The following ARL9 variants were observed in gnomAD, a reference collection of about 807,000 sequenced individuals.
The protein encoded by ARL9 is ARF like GTPase 9, also known as ADP-ribosylation factor-like protein 9.
In ARL9, 14 loss-of-function variants were observed where a neutral mutation model predicts 27.0. The ratio of observed to expected loss-of-function variants is 0.52; its 90% CI spans 0.34 to 0.81. The LOEUF (loss-of-function observed/expected upper bound fraction) is 0.81. Among genes scored for constraint, ARL9 ranks in the 30% least tolerant of loss-of-function variants. ARL9 has a pLI of 0.01. For missense variants in ARL9, 294 were observed against 290.0 expected (o/e 1.01, Z -0.10); for synonymous variants, 106 against 108.7 (o/e 0.98, Z 0.15).
chr4:56,524,096 T>G lies in ARL9; in HGVS notation c.*220T>G. The G allele has an allele frequency of 2.2e-6, 1 of 448,596 alleles. No homozygotes were observed. Among genetic ancestry groups the G allele is most frequent in the Non-Finnish European group, 3.9e-6 (1 of 255,126 alleles). The allele number at this position is 448,596 out of a possible 1,614,324, so 27.8% of individuals were successfully genotyped here. A position where few individuals can be genotyped will look rare whatever the true frequency, so the allele number is the denominator to read the frequency against. On this transcript the variant is annotated 3_prime_UTR_variant, in exon 4 of 4. Coordinates refer to ENST00000640821, the MANE Select transcript of ARL9 (RefSeq NM_001363794.2). ...TTCAAAAAGTAAACCCACTGAAGAA[T>G]AATAACACAACAATAAAAATAATAC...
intron 1 of ARL9, among the ~76,000 whole-genome samples, chr4:56,507,965 C>CAA (rs202126461): frequency 0.11 from 13,128 of 122,840 alleles, 780 homozygotes; most frequent in Admixed American, 0.22. Context: ...GATTCTGTAT[C>CAA]AAAAAAAAAA....
At chr4:56,518,935 C>T (rs564592616) in intron 3 of ARL9, 82 bp downstream of exon 3, 1 of 1,269,502 alleles carries the variant, frequency 7.9e-7, no homozygotes, top group East Asian at 2.5e-5. Context: ...AGATAGTCAA[C>T]AATATGCTAT....
At chr4:56,518,928 T>C (rs1421233024) in intron 3 of ARL9, 75 bp downstream of exon 3, 4 of 1,318,346 alleles carry the variant, frequency 3.0e-6, no homozygotes, top group Non-Finnish European at 3.1e-6. Flanking sequence ...AATACCTAGA[T>C]AGTCAACAAT....
chr4:56,510,504 C>T (rs186501484), intron 1 of ARL9, among the ~76,000 whole-genome samples: 53 of 152,170 alleles, frequency 3.5e-4, no homozygotes, highest in Admixed American at 1.6e-3. Flanking sequence ...CACGGAGGTC[C>T]CAAGACCCCA....
In ARL9 at chr4:56,509,202, T is replaced by TTTTC. The variant is rs1474464043; in HGVS notation, c.280-1980_280-1979insCTTT. Among the ~76,000 whole-genome samples the TTTTC allele has an allele frequency of 3.4e-3, 430 of 128,084 alleles. 7 individuals carry two copies. Among genetic ancestry groups the TTTTC allele is most frequent in the East Asian group, 0.019 (68 of 3,522 alleles). The allele number at this position is 128,084 out of a possible 152,430, so 84.0% of individuals were successfully genotyped here. A position where few individuals can be genotyped will look rare whatever the true frequency, so the allele number is the denominator to read the frequency against. ...GAATGCTTTTTTCTTTTTCTTTTTC[T>TTTTC]TTTTTTTGTTTTTTTTTTTTGGGAT... On this transcript the variant is annotated intron_variant, in intron 1 of 3. Coordinates refer to ENST00000640821, the MANE Select transcript of ARL9 (RefSeq NM_001363794.2).
intron 2 of ARL9, among the ~76,000 whole-genome samples, chr4:56,513,628 CA>C (rs370311959): frequency 2.5e-4 from 38 of 152,278 alleles, no homozygotes; most frequent in African/African-American, 8.2e-4. Flanking sequence ...AAAAATAAAA[CA>C]ACTCATGAGT....
chr4:56,508,010 C>T (rs1232923149), intron 1 of ARL9, among the ~76,000 whole-genome samples: 1 of 151,402 alleles, frequency 6.6e-6, no homozygotes, highest in East Asian at 1.9e-4. Flanking sequence ...GTGACATACT[C>T]TCAATTGTCA....
intron 2 of ARL9, among the ~76,000 whole-genome samples, chr4:56,515,925 TAA>T (rs984529432): frequency 1.3e-5 from 2 of 152,180 alleles, no homozygotes; most frequent in Non-Finnish European, 2.9e-5. Context: ...CAAGATTTTT[TAA>T]AAAGAGTTTG....
At chr4:56,521,453 T>A (rs931106610) in intron 3 of ARL9, among the ~76,000 whole-genome samples, 1 of 152,198 alleles carries the variant, frequency 6.6e-6, no homozygotes, top group South Asian at 2.1e-4. Context: ...TATGTGTCCC[T>A]TTGTGGATGT....
At chr4:56,506,518 T>C in intron 1 of ARL9, 1 of 668,980 alleles carries the variant, frequency 1.5e-6, no homozygotes, top group Non-Finnish European at 1.8e-6. Context: ...CCCCGAACCC[T>C]CCCCACACGC....
chr4:56,513,764 G>A (rs1721700928), intron 2 of ARL9, among the ~76,000 whole-genome samples: 1 of 152,192 alleles, frequency 6.6e-6, no homozygotes, highest in Admixed American at 6.5e-5. Context: ...TAAGATGCCT[G>A]CATGACACGA....
chr4:56,509,488 C>T (rs1341878973), intron 1 of ARL9, among the ~76,000 whole-genome samples: 26 of 151,912 alleles, frequency 1.7e-4, no homozygotes, highest in Admixed American at 1.6e-3. Flanking sequence ...ATGAGAGCCA[C>T]GATGCCTGGA....
chr4:56,523,250 G>A (rs540857415), intron 3 of ARL9, among the ~76,000 whole-genome samples: 27 of 152,254 alleles, frequency 1.8e-4, no homozygotes, highest in East Asian at 5.8e-4. Context: ...TGAGTGGGGC[G>A]TGGTGGCACA....
chr4:56,518,263 T>C (rs1721820247), intron 2 of ARL9, among the ~76,000 whole-genome samples: 1 of 152,140 alleles, frequency 6.6e-6, no homozygotes, highest in Non-Finnish European at 1.5e-5. Flanking sequence ...TCTTGAACTA[T>C]TGGGCTCAAA....
intron 1 of ARL9, chr4:56,506,785 GTT>G (rs1491414111): frequency 4.0e-6 from 1 of 249,376 alleles, no homozygotes; most frequent in Non-Finnish European, 5.5e-6. Context: ...GATTAACACA[GTT>G]GTGTGTGTGT....
intron 3 of ARL9, among the ~76,000 whole-genome samples, chr4:56,523,245 G>A (rs575158068): frequency 6.6e-6 from 1 of 152,056 alleles, no homozygotes; most frequent in Non-Finnish European, 1.5e-5. Context: ...AAAAATGAGT[G>A]GGGCGTGGTG....
intron 1 of ARL9, among the ~76,000 whole-genome samples, chr4:56,507,390 CT>C (rs1194954720): frequency 5.3e-5 from 8 of 151,534 alleles, no homozygotes; most frequent in Non-Finnish European, 1.2e-4. Context: ...TCTCGGCTCA[CT>C]GCAACCTCCA....
chr4:56,513,115 A>T (rs4299654), intron 2 of ARL9, among the ~76,000 whole-genome samples: 150,345 of 152,336 alleles, frequency 0.99, 74,201 homozygotes, highest in East Asian at 1. Flanking sequence ...AATCTTTGAG[A>T]TTTAAAATGT....
In ARL9 at chr4:56,508,452, A is replaced by C. The variant is rs539263317; in HGVS notation, c.279+2311A>C. Among the ~76,000 whole-genome samples the C allele has an allele frequency of 7.9e-5, 12 of 151,930 alleles. No homozygotes were observed. The East Asian group carries it at 2.3e-3, about 29-fold the overall frequency. ...GGCTGGAGTGCAATGGCGCGATCTC[A>C]GCTCATTGCAACCTCCACCTCCCAG... On this transcript the variant is annotated intron_variant, in intron 1 of 3. Coordinates refer to ENST00000640821, the MANE Select transcript of ARL9 (RefSeq NM_001363794.2).
Sources: gnomAD v4.1 joint callset for allele counts (sites outside exome capture counted in the v4.1 genomes callset) on GRCh38, gnomAD v4.1.1 for gene constraint, MANE v1.5 for transcripts, NCBI Gene and HGNC (gene_info 2026-07-23, HGNC 2026-07-21) for gene names.